The following PCBP3 variants were observed in gnomAD, a reference collection of about 807,000 sequenced individuals.
The protein encoded by PCBP3 is poly(rC)-binding protein 3.
PCBP3 carries 25 observed loss-of-function variants against 52.7 expected under a neutral mutation model. The observed-to-expected ratio is 0.47, with a 90% CI of 0.35 to 0.66. The LOEUF is 0.66. Among genes scored for constraint, PCBP3 ranks in the 30% least tolerant of loss-of-function variants. PCBP3 has a pLI of 0.01. For synonymous variants in PCBP3, 162 were observed against 183.0 expected (o/e 0.89, Z 0.93); for missense variants, 391 against 490.3 (o/e 0.80, Z 1.91).
intron 3 of PCBP3, among the ~76,000 whole-genome samples, chr21:45,746,719 T>G (rs1378648635): frequency 7.0e-5 from 3 of 42,598 alleles, no homozygotes; most frequent in Non-Finnish European, 9.3e-5. Flanking sequence ...GCGCACACGG[T>G]GTTGTGTCAG....
At chr21:45,906,699 GC>G (rs1290405651) in intron 9 of PCBP3, among the ~76,000 whole-genome samples, 1 of 152,126 alleles carries the variant, frequency 6.6e-6, no homozygotes, top group Non-Finnish European at 1.5e-5. Context: ...TTGCCGGTGG[GC>G]CGAGGAGTTC....
Position 45,668,572 on chromosome 21 carries a change from TG to T in PCBP3, c.-278-297del, listed in dbSNP as rs373360960. Among the ~76,000 whole-genome samples the T allele has an allele frequency of 4.3e-4, 57 of 132,026 alleles. 1 individual carries two copies. In the East Asian group the frequency reaches 0.013, roughly 29 times the overall value. The allele number at this position is 132,026 out of a possible 152,430, so 86.6% of individuals were successfully genotyped here. A position where few individuals can be genotyped will look rare whatever the true frequency, so the allele number is the denominator to read the frequency against. On this transcript the variant is annotated intron_variant, in intron 1 of 17. Transcript: ENST00000681687. ...GACTACTATAGAGCTGGGGTAGGGTTGGGGGTGGGGGGATGGGAATAGGGCA... is the reference window on the plus strand; with the variant it reads ...GACTACTATAGAGCTGGGGTAGGGTTGGGGTGGGGGGATGGGAATAGGGCA...
rs1415111382 is a variant in PCBP3, at chr21:45,704,410, G to A, written c.-199-30982G>A. ...AAGAGCAGGAAGTTTTAAAATGCAG[G>A]ACATGCTATCCTCTGTTGCTGTGGT... On this transcript the variant is annotated intron_variant, in intron 2 of 17. Transcript: ENST00000681687. The surrounding 1 kb of genome is among the most constrained non-coding windows in gnomAD (Gnocchi z 4.1). 6.6e-6 allele frequency among the ~76,000 whole-genome samples: 1 copy of A among 152,178 alleles called. No individual in the cohort carries two copies. Among genetic ancestry groups the A allele is most frequent in the Non-Finnish European group, 1.5e-5 (1 of 68,028 alleles).
chr21:45,731,747 A>G (rs2085470218), intron 2 of PCBP3, among the ~76,000 whole-genome samples: 1 of 152,180 alleles, frequency 6.6e-6, no homozygotes, highest in Non-Finnish European at 1.5e-5. Flanking sequence ...TCTGCAAGTA[A>G]TATCATACCA....
chr21:45,646,105 CTCTGTG>C (rs1205552782), intron 1 of PCBP3, among the ~76,000 whole-genome samples: 31 of 92,968 alleles, frequency 3.3e-4, no homozygotes, highest in African/African-American at 6.9e-4. Flanking sequence ...CTCTCTCTCT[CTCTGTG>C]TGTGTGTGTG....
intron 13 of PCBP3, among the ~76,000 whole-genome samples, chr21:45,920,821 C>T (rs776741837): frequency 6.6e-6 from 1 of 152,230 alleles, no homozygotes; most frequent in African/African-American, 2.4e-5. Context: ...AACCAGCCAG[C>T]ACTTTGATCT....
intron 2 of PCBP3, among the ~76,000 whole-genome samples, chr21:45,684,859 A>G (rs1172349987): frequency 6.6e-6 from 1 of 152,222 alleles, no homozygotes; most frequent in African/African-American, 2.4e-5. Flanking sequence ...TGAATGGGCA[A>G]TGCTACAGTT....
At position 45,909,517 on chromosome 21, in the gene PCBP3, C is replaced by T. The variant is rs536551516; in HGVS notation, c.471+31C>T. 251 of 1,605,940 alleles carry T rather than the reference C, an allele frequency of 1.6e-4. 5 individuals carry two copies. The Admixed American group carries it at 2.3e-3, about 15-fold the overall frequency. On this transcript the variant is annotated intron_variant, in intron 10 of 17. Coordinates refer to ENST00000681687, the MANE Select transcript of PCBP3 (RefSeq NM_001384156.1). ...AGGACCTTCCCAGCCTGGGCCGCTGCGGAGCCTCTAGGCGGGCTGCGGGTG... is the reference window on the plus strand; with the variant it reads ...AGGACCTTCCCAGCCTGGGCCGCTGTGGAGCCTCTAGGCGGGCTGCGGGTG...
intron 2 of PCBP3, among the ~76,000 whole-genome samples, chr21:45,689,854 AGGAGAAATGAAAGAC>A (rs2082360569): frequency 6.6e-6 from 1 of 152,152 alleles, no homozygotes; most frequent in East Asian, 1.9e-4. Context: ...AAACAGTGCT[AGGAGAAATGAAAGAC>A]TTAATACATG....
intron 11 of PCBP3, among the ~76,000 whole-genome samples, chr21:45,912,114 G>A (rs574734459): frequency 5.1e-4 from 77 of 152,212 alleles, no homozygotes; most frequent in Non-Finnish European, 9.6e-4. Flanking sequence ...TGCTGCCTGC[G>A]TCCCGGTGCA....
At chr21:45,691,959 G>A (rs905471511) in intron 2 of PCBP3, among the ~76,000 whole-genome samples, 21 of 152,108 alleles carry the variant, frequency 1.4e-4, no homozygotes, top group Admixed American at 3.3e-4. Context: ...ACTCTCCCAC[G>A]TTCTCCAGGT....
chr21:45,902,002 C>T (rs1020532628), intron 9 of PCBP3, among the ~76,000 whole-genome samples: 1 of 152,122 alleles, frequency 6.6e-6, no homozygotes, highest in African/African-American at 2.4e-5. Context: ...TGGGGGTCGG[C>T]GCCATCTTCT....
At chr21:45,871,472 C>A (rs2148634619) in intron 5 of PCBP3, 1 of 153,474 alleles carries the variant, frequency 6.5e-6, no homozygotes, top group East Asian at 1.9e-4. Flanking sequence ...CTCCAGGACC[C>A]CAGGGGCAGG....
At chr21:45,786,365 A>G (rs192148995) in intron 4 of PCBP3, among the ~76,000 whole-genome samples, 2 of 151,456 alleles carry the variant, frequency 1.3e-5, no homozygotes, top group African/African-American at 4.9e-5. Context: ...ATCTCAGCTC[A>G]TTGCAGCCTC....
chr21:45,903,573 A>G (rs2096122351), intron 9 of PCBP3, among the ~76,000 whole-genome samples: 1 of 152,126 alleles, frequency 6.6e-6, no homozygotes, highest in African/African-American at 2.4e-5. Context: ...TGTTTGGGAT[A>G]ATCAAGAATG....
At chr21:45,909,612 G>C in intron 10 of PCBP3, 126 bp downstream of exon 10, 3 of 869,716 alleles carry the variant, frequency 3.4e-6, no homozygotes, top group Non-Finnish European at 5.3e-6. Flanking sequence ...TGGCCACGCA[G>C]ACCCCACAGC....
At chr21:45,940,443 G>A (rs749485346) in intron 17 of PCBP3, among the ~76,000 whole-genome samples, 56 of 152,208 alleles carry the variant, frequency 3.7e-4, no homozygotes, top group Non-Finnish European at 6.3e-4. Flanking sequence ...GGACAATCCC[G>A]GAGGCTAGAG....
chr21:45,700,869 T>C (rs1379119689), intron 2 of PCBP3, among the ~76,000 whole-genome samples: 3 of 152,158 alleles, frequency 2.0e-5, no homozygotes, highest in South Asian at 2.1e-4. Flanking sequence ...TTAGGCAGCC[T>C]TTCAGTGGAG....
rs2085954582 is a variant in PCBP3, at chr21:45,737,337, C to T, written c.-162+1908C>T. 6.6e-6 allele frequency among the ~76,000 whole-genome samples: 1 copy of T among 152,182 alleles called. No homozygotes were observed. The highest frequency in any genetic ancestry group is 1.5e-5 in the Non-Finnish European group (1 of 68,036). Reference sequence around the variant, plus strand: ...CCTGTTTCTTAGAGGAATCCAAATCCCTGTTGCCTTGGGGCCAACTTTGTA... The same window carrying T: ...CCTGTTTCTTAGAGGAATCCAAATCTCTGTTGCCTTGGGGCCAACTTTGTA... On this transcript the variant is annotated intron_variant, in intron 3 of 17. Transcript: ENST00000681687. The surrounding 1 kb of genome is among the most constrained non-coding windows in gnomAD (Gnocchi z 4.9).
Sources: allele counts gnomAD v4.1 joint callset (sites outside exome capture counted in the v4.1 genomes callset), GRCh38; gene constraint gnomAD v4.1.1; non-coding constraint Gnocchi (gnomAD v3.1); transcripts MANE v1.5; gene names NCBI Gene and HGNC (gene_info 2026-07-23, HGNC 2026-07-21).